The following TRIM33 variants were observed in gnomAD, a reference collection of about 807,000 sequenced individuals.
The protein encoded by TRIM33 is tripartite motif containing 33, also known as E3 ubiquitin-protein ligase TRIM33.
In TRIM33, 20 loss-of-function variants were observed where a neutral mutation model predicts 125.4. The observed-to-expected ratio is 0.16, with a 90% confidence interval of 0.11 to 0.23. The LOEUF (loss-of-function observed/expected upper bound fraction) is 0.23. TRIM33 is among the 10% of genes least tolerant of loss of function. TRIM33 has a pLI of 1.00. For missense variants in TRIM33, 920 were observed against 1,411.4 expected (o/e 0.65, Z 5.58); for synonymous variants, 564 against 513.9 (o/e 1.10, Z -1.32).
intron 10 of TRIM33, among the ~76,000 whole-genome samples, chr1:114,423,543 A>G (rs964485861): frequency 2.0e-5 from 3 of 151,934 alleles, no homozygotes; most frequent in African/African-American, 7.3e-5. Flanking sequence ...TTCAAATGTG[A>G]GCGAGTATAT....
rs1651562171 is a variant in TRIM33 at position 114,396,784 on chromosome 1, C to T, written c.*864G>A. ...ACATGAAGGAAGACTGGAAAAGAGC[C>T]AGTTGTCACCTTCTCAAATTTAAAT... On this transcript the variant is annotated 3_prime_UTR_variant, in exon 20 of 20. Transcript: ENST00000358465. 1 of 208,498 alleles carries T rather than the reference C, an allele frequency of 4.8e-6. No individual in the cohort carries two copies. Among genetic ancestry groups the T allele is most frequent in the African/African-American group, 2.3e-5 (1 of 43,950 alleles). 12.9% of individuals were successfully genotyped at this position (208,498 alleles called of 1,614,324 possible).
At position 114,510,623 on chromosome 1, in the gene TRIM33, G is replaced by C; in HGVS notation, c.454C>G (p.Arg152Gly). Reference sequence around the variant, plus strand: ...TGGCGCTCCGGCTCGGGCAGGCAGCGCAGGCAGAAGGAGTGAAGACAGGGC... The same window carrying C: ...TGGCGCTCCGGCTCGGGCAGGCAGCCCAGGCAGAAGGAGTGAAGACAGGGC... Reference protein sequence around the residue: ...LLPCLHSFCLRCLPEPERQLS... With the variant: ...LLPCLHSFCLGCLPEPERQLS... The change falls in exon 1 of 20, where the codon CGC (arginine) becomes GGC (glycine). Residue 152 changes from arginine to glycine, a missense_variant. Arg to Gly is a moderately radical substitution (Grantham distance 125). Around this residue, in one of 8 missense-constraint regions of TRIM33, gnomAD observed 75 missense variants for 123.9 expected, o/e 0.61. Coordinates refer to ENST00000358465, the MANE Select transcript of TRIM33 (RefSeq NM_015906.4). 6.4e-7 allele frequency: 1 copy of C among 1,563,510 alleles called. No individual in the cohort carries two copies. The highest frequency in any genetic ancestry group is 2.3e-5 in the East Asian group (1 of 42,672).
intron 1 of TRIM33, among the ~76,000 whole-genome samples, chr1:114,503,435 G>A (rs1469911116): frequency 6.6e-6 from 1 of 152,096 alleles, no homozygotes; most frequent in Non-Finnish European, 1.5e-5. Context: ...CCAAGATTGC[G>A]CCACTGCACT....
chr1:114,402,912 C>T lies in TRIM33; in HGVS notation c.2769-29G>A, dbSNP rs548594427. The T allele has an allele frequency of 4.1e-5, 65 of 1,588,468 alleles. No individual in the cohort carries two copies. In the South Asian group the frequency reaches 4.7e-4, roughly 12 times the overall value. On this transcript the variant is annotated intron_variant, in intron 15 of 19. Transcript: ENST00000358465. ...GACAGGGAAATAGGCAATTAGTCCA[C>T]GTAATTATAAGAAAGCCTGCTCTAG...
chr1:114,434,713 T>G (rs1480627803), intron 4 of TRIM33, among the ~76,000 whole-genome samples: 3 of 152,216 alleles, frequency 2.0e-5, no homozygotes, highest in African/African-American at 7.2e-5. Context: ...AATCCATTAT[T>G]GTTTGTACTA....
chr1:114,484,564 T>TA (rs1651556286), intron 1 of TRIM33, among the ~76,000 whole-genome samples: 1 of 152,012 alleles, frequency 6.6e-6, no homozygotes, highest in Non-Finnish European at 1.5e-5. Context: ...CCATCTCTAT[T>TA]AAAAATACAA....
chr1:114,413,807 T>C (rs543909580), intron 11 of TRIM33, among the ~76,000 whole-genome samples: 3 of 151,924 alleles, frequency 2.0e-5, no homozygotes, highest in East Asian at 1.9e-4. Flanking sequence ...CACTTGAGAC[T>C]AGGAGTTCAA....
chr1:114,406,441 C>T (rs530199191), intron 14 of TRIM33, among the ~76,000 whole-genome samples: 109 of 152,324 alleles, frequency 7.2e-4, no homozygotes, highest in Admixed American at 5.2e-3. Flanking sequence ...GGCCTTCCTT[C>T]ATTCTGTATT....
At chr1:114,398,295 T>C (rs1651665549) in intron 18 of TRIM33, among the ~76,000 whole-genome samples, 1 of 152,230 alleles carries the variant, frequency 6.6e-6, no homozygotes, top group African/African-American at 2.4e-5. Flanking sequence ...AAGCATATTA[T>C]ACAAGAAACG....
At chr1:114,498,088 C>T (rs12024596) in intron 1 of TRIM33, among the ~76,000 whole-genome samples, 3 of 141,386 alleles carry the variant, frequency 2.1e-5, no homozygotes, top group East Asian at 2.0e-4. Flanking sequence ...GATCGCACCA[C>T]TGCACTCCAG....
intron 4 of TRIM33, among the ~76,000 whole-genome samples, chr1:114,460,703 T>C (rs1649924966): frequency 6.6e-6 from 1 of 151,794 alleles, no homozygotes; most frequent in Admixed American, 6.6e-5. Context: ...TGTTCTGCCC[T>C]TCTCCAGCCT....
intron 1 of TRIM33, chr1:114,468,785 C>G: frequency 2.7e-6 from 1 of 369,940 alleles, no homozygotes; most frequent in East Asian, 7.5e-5. Context: ...ATGACAGTAT[C>G]TCATTCAATA....
At position 114,465,813 on chromosome 1, in the gene TRIM33, G is replaced by A. The variant is rs61662081; in HGVS notation, c.527-1425C>T. ...TCCCAGCACTTTGGGAGGCCGAGGC[G>A]GGCGGATCACGAGGTCAGGAGATGG... On this transcript the variant is annotated intron_variant, in intron 1 of 19. Transcript: ENST00000358465. Among the ~76,000 whole-genome samples the A allele has an allele frequency of 9.2e-5, 14 of 152,032 alleles. No homozygotes were observed. In the South Asian group the frequency reaches 1.2e-3, roughly 14 times the overall value.
chr1:114,406,330 C>T (rs371655276), intron 14 of TRIM33, among the ~76,000 whole-genome samples: 2 of 152,070 alleles, frequency 1.3e-5, no homozygotes, highest in African/African-American at 4.8e-5. Context: ...TATACCAATA[C>T]CTTGAGATGA....
intron 1 of TRIM33, among the ~76,000 whole-genome samples, chr1:114,475,042 A>G (rs764162338): frequency 4.6e-5 from 7 of 152,220 alleles, no homozygotes; most frequent in Non-Finnish European, 8.8e-5. Flanking sequence ...ATATGTGTAC[A>G]TAACAAGACA....
chr1:114,419,933 T>C (rs7514446), intron 11 of TRIM33, among the ~76,000 whole-genome samples: 6,302 of 152,156 alleles, frequency 0.041, 470 homozygotes, highest in African/African-American at 0.15. Flanking sequence ...TTTTAAAACT[T>C]TTACATAAGC....
intron 1 of TRIM33, among the ~76,000 whole-genome samples, chr1:114,503,410 G>A (rs531675082): frequency 6.6e-6 from 1 of 152,166 alleles, no homozygotes; most frequent in Admixed American, 6.5e-5. Context: ...CCCAGGAGGC[G>A]GAGGTCGCGG....
intron 11 of TRIM33, among the ~76,000 whole-genome samples, chr1:114,414,729 A>G (rs1303762185): frequency 1.3e-5 from 2 of 152,190 alleles, no homozygotes; most frequent in Non-Finnish European, 2.9e-5. Flanking sequence ...ACTCTATGAC[A>G]GCAGGTCTCT....
rs879665966 is a variant in TRIM33 at position 114,479,869 on chromosome 1, C to T, written c.527-15481G>A. 1.7e-3 allele frequency among the ~76,000 whole-genome samples: 256 copies of T among 151,942 alleles called. 2 individuals carry two copies. Among genetic ancestry groups the T allele is most frequent in the Non-Finnish European group, 6.9e-4 (47 of 67,952 alleles). ...CCCCGTCCGGGAGGGAGGAAGGGGG[C>T]GCCTCCACCCGGCCGCCGCCCCATC... On this transcript the variant is annotated intron_variant, in intron 1 of 19. Coordinates refer to ENST00000358465, the MANE Select transcript of TRIM33 (RefSeq NM_015906.4).
Sources: gnomAD v4.1 joint callset for allele counts (sites outside exome capture counted in the v4.1 genomes callset) on GRCh38, gnomAD v4.1.1 for gene constraint, gnomAD v4.1.1 regional missense constraint, MANE v1.5 for transcripts, NCBI Gene and HGNC (gene_info 2026-07-23, HGNC 2026-07-21) for gene names.